The following TENT4B variants were observed in gnomAD, a reference collection of about 807,000 sequenced individuals.
The protein encoded by TENT4B is terminal nucleotidyltransferase 4B.
Under a neutral mutation model 75.0 loss-of-function variants are expected in TENT4B, and 10 were observed. That is an observed-to-expected ratio of 0.13 (90% CI 0.08 to 0.23). The LOEUF (loss-of-function observed/expected upper bound fraction) is 0.23. Among genes scored for constraint, TENT4B ranks in the 10% least tolerant of loss-of-function variants. TENT4B has a pLI of 1.00. For missense variants in TENT4B, 579 were observed against 893.8 expected, an observed-to-expected ratio of 0.65 and a Z score of 4.49; for synonymous variants, 350 against 357.7, an observed-to-expected ratio of 0.98 and a Z score of 0.24.
chr16:50,163,448 C>T (rs1392587744), intron 1 of TENT4B, among the ~76,000 whole-genome samples: 1 of 144,380 alleles, frequency 6.9e-6, no homozygotes, highest in African/African-American at 2.6e-5. Context: ...GATGGAGTCT[C>T]GCTCTGTCGC....
rs192769071 is a variant in TENT4B, at chr16:50,227,466, G to A, written c.1801-373G>A. ...TGATTTGTCATCACAGACTCTCAGA[G>A]ATTGAACCCCTTAAACCCATCATCT... On this transcript the variant is annotated intron_variant, in intron 10 of 11. Transcript: ENST00000561678. Among the ~76,000 whole-genome samples the A allele has an allele frequency of 1.7e-3, 259 of 152,080 alleles. 1 individual carries two copies. The highest frequency in any genetic ancestry group is 3.3e-3 in the Non-Finnish European group (222 of 67,974).
In TENT4B at chr16:50,153,918, G is replaced by A. The variant is rs1295102366; in HGVS notation, c.297G>A (p.Glu99=). 1 of 1,528,704 alleles carries A rather than the reference G, an allele frequency of 6.5e-7. No homozygotes were observed. Among genetic ancestry groups the A allele is most frequent in the Admixed American group, 2.0e-5 (1 of 50,460 alleles). The allele number at this position is 1,528,704 out of a possible 1,614,324, so 94.7% of individuals were successfully genotyped here. A position where few individuals can be genotyped will look rare whatever the true frequency, so the allele number is the denominator to read the frequency against. ...TGGGCAGCCACGCGCTGCCCGCGGA[G>A]CAGCGGGACTTCCTGCCCCTAGAGA... ...RLLGSHALPA[E]QRDFLPLETT... Residue 99 remains glutamate, a synonymous_variant, in exon 1 of 12, where the codon GAG becomes GAA. Transcript: ENST00000561678.
At position 50,229,510 on chromosome 16, in the gene TENT4B, A is replaced by G. The variant is rs1439931481; in HGVS notation, c.*182A>G. ...GACTGACAACTGCAAAAAAAACAAA[A>G]CAAAACAAAAAAAAAAGCAAGCAAA... On this transcript the variant is annotated 3_prime_UTR_variant, in exon 12 of 12. Transcript: ENST00000561678. The G allele has an allele frequency of 3.4e-5, 42 of 1,252,746 alleles. No homozygotes were observed. In the East Asian group the frequency reaches 9.2e-4, roughly 27 times the overall value. 77.6% of individuals were successfully genotyped at this position (1,252,746 alleles called of 1,614,324 possible). A position where few individuals can be genotyped will look rare whatever the true frequency, so the allele number is the denominator to read the frequency against.
chr16:50,199,030 C>A (rs1462802359), intron 1 of TENT4B, among the ~76,000 whole-genome samples: 2 of 152,224 alleles, frequency 1.3e-5, no homozygotes, highest in African/African-American at 4.8e-5. Context: ...GACTTTGATT[C>A]TTTTTGGGGT....
At chr16:50,214,157 G>A in intron 2 of TENT4B, 64 bp from the exon 3 acceptor site, 1 of 1,259,888 alleles carries the variant, frequency 7.9e-7, no homozygotes, top group Admixed American at 2.0e-5. Flanking sequence ...CCATATCTTG[G>A]TGACTCAATA....
At chr16:50,170,475 C>T (rs185410420) in intron 1 of TENT4B, among the ~76,000 whole-genome samples, 42 of 152,248 alleles carry the variant, frequency 2.8e-4, no homozygotes, top group African/African-American at 8.4e-4. Flanking sequence ...TAAAAGTCAT[C>T]ATTTACATGT....
chr16:50,221,422 C>T (rs1168766017), intron 5 of TENT4B, among the ~76,000 whole-genome samples: 1 of 152,176 alleles, frequency 6.6e-6, no homozygotes, highest in African/African-American at 2.4e-5. Context: ...TCTGTACATA[C>T]TTGCCCACTC....
intron 1 of TENT4B, among the ~76,000 whole-genome samples, chr16:50,176,905 T>C (rs776088842): frequency 2.6e-5 from 4 of 152,186 alleles, no homozygotes; most frequent in Admixed American, 6.5e-5. Context: ...TAGTTTTCTT[T>C]GGTTTCTTTT....
At position 50,216,001 on chromosome 16, in the gene TENT4B, C is replaced by T; in HGVS notation, c.810-74C>T. 14 of 1,576,212 alleles carry T rather than the reference C, an allele frequency of 8.9e-6. No homozygotes were observed. The South Asian group carries it at 1.5e-4, about 16-fold the overall frequency. On this transcript the variant is annotated intron_variant, in intron 3 of 11. Coordinates refer to ENST00000561678, the MANE Select transcript of TENT4B (RefSeq NM_001365324.3). ...TAGGTTTTAATTGTACTAATGAAGT[C>T]TATAAGCATGAGTGTCAGTTAAAAC...
Position 50,230,301 on chromosome 16 carries a change from A to AG in TENT4B, c.*973_*974insG, listed in dbSNP as rs2032248235. 14 of 143,150 alleles carry AG rather than the reference A, an allele frequency of 9.8e-5. No homozygotes were observed. Among genetic ancestry groups the AG allele is most frequent in the Non-Finnish European group, 1.1e-4 (14 of 122,926 alleles). The allele number at this position is 143,150 out of a possible 1,614,324, so 8.9% of individuals were successfully genotyped here. Reference sequence around the variant, plus strand: ...TTTCCCCCCATTTCTTCCTAATAGGAAAAAAAAAAAAAAAAAGGTCACCCA... The same window carrying AG: ...TTTCCCCCCATTTCTTCCTAATAGGAGAAAAAAAAAAAAAAAAGGTCACCCA... On this transcript the variant is annotated 3_prime_UTR_variant, in exon 12 of 12. Coordinates refer to ENST00000561678, the MANE Select transcript of TENT4B (RefSeq NM_001365324.3).
intron 5 of TENT4B, 94 bp downstream of exon 5, chr16:50,217,757 G>GGTGTCTCTCT: frequency 2.1e-6 from 1 of 482,188 alleles, no homozygotes; most frequent in Admixed American, 7.5e-5. Flanking sequence ...TATGCATGTT[G>GGTGTCTCTCT]CTGTCTCTCT....
chr16:50,163,513 C>T (rs1169761762), intron 1 of TENT4B, among the ~76,000 whole-genome samples: 3 of 150,740 alleles, frequency 2.0e-5, no homozygotes, highest in African/African-American at 7.3e-5. Context: ...CATTCTCCTG[C>T]CTCATCCTCC....
chr16:50,184,484 C>T (rs1567490087), intron 1 of TENT4B, among the ~76,000 whole-genome samples: 2 of 151,874 alleles, frequency 1.3e-5, no homozygotes, highest in Admixed American at 6.6e-5. Flanking sequence ...CTGGCTAACA[C>T]GGTGAAACCC....
intron 5 of TENT4B, among the ~76,000 whole-genome samples, chr16:50,219,854 C>T (rs2031743757): frequency 1.3e-5 from 2 of 151,322 alleles, no homozygotes; most frequent in Admixed American, 6.6e-5. Context: ...CACCGAGTCT[C>T]ACTCTGTTAC....
intron 5 of TENT4B, among the ~76,000 whole-genome samples, chr16:50,219,892 C>T (rs944890071): frequency 3.3e-5 from 5 of 151,702 alleles, no homozygotes; most frequent in Admixed American, 2.6e-4. Flanking sequence ...GATCATGGCT[C>T]ACTGCAGCCT....
intron 1 of TENT4B, among the ~76,000 whole-genome samples, chr16:50,210,389 C>T (rs1274782480): frequency 6.6e-6 from 1 of 152,202 alleles, no homozygotes; most frequent in African/African-American, 2.4e-5. Context: ...CATCCTTAGC[C>T]CCCCACCACC....
rs74415981 is a variant in TENT4B at position 50,222,245 on chromosome 16, C to G, written c.1039-61C>G. On this transcript the variant is annotated intron_variant, in intron 5 of 11. Transcript: ENST00000561678. ...AATGTAAGGACCAATTTATGCCCCT[C>G]TTAATGCTTAGATCTGTTGCTGATA... The G allele has an allele frequency of 1.3e-3, 1,841 of 1,471,786 alleles. 18 individuals carry two copies. In the African/African-American group the frequency reaches 0.024, roughly 19 times the overall value. The allele number at this position is 1,471,786 out of a possible 1,614,324, so 91.2% of individuals were successfully genotyped here. A position where few individuals can be genotyped will look rare whatever the true frequency, so the allele number is the denominator to read the frequency against.
intron 1 of TENT4B, among the ~76,000 whole-genome samples, chr16:50,199,845 A>G (rs2030521990): frequency 6.6e-6 from 1 of 152,170 alleles, no homozygotes; most frequent in African/African-American, 2.4e-5. Flanking sequence ...TGTGTTTTCC[A>G]TACTGGTCTC....
chr16:50,216,344 C>G, intron 4 of TENT4B, 149 bp downstream of exon 4: 2 of 1,019,700 alleles, frequency 2.0e-6, no homozygotes, highest in South Asian at 1.6e-5. Context: ...AAAAAGTTTT[C>G]TGGTTGTCCA....
Sources: allele counts gnomAD v4.1 joint callset (sites outside exome capture counted in the v4.1 genomes callset), GRCh38; gene constraint gnomAD v4.1.1; transcripts MANE v1.5; gene names NCBI Gene and HGNC (gene_info 2026-07-23, HGNC 2026-07-21).